The following GNAQ variants were observed in gnomAD, a reference collection of about 807,000 sequenced individuals.
GNAQ encodes the protein G protein subunit alpha q.
Under a neutral mutation model 43.9 loss-of-function variants are expected in GNAQ, and 8 were observed. That is an observed-to-expected ratio of 0.18 (90% CI 0.11 to 0.33). The LOEUF (loss-of-function observed/expected upper bound fraction) is 0.33. GNAQ is among the 10% of genes least tolerant of loss of function. The pLI is 1.00. For synonymous variants in GNAQ, 155 were observed against 170.7 expected (o/e 0.91, Z 0.71); for missense variants, 158 against 450.8 (o/e 0.35, Z 5.88).
intron 2 of GNAQ, among the ~76,000 whole-genome samples, chr9:77,914,598 G>A (rs1332287457): frequency 2.0e-5 from 3 of 152,022 alleles, no homozygotes; most frequent in Non-Finnish European, 4.4e-5. Flanking sequence ...GGAGGCGGAG[G>A]TTGCGGTGAG....
intron 2 of GNAQ, among the ~76,000 whole-genome samples, chr9:77,853,110 T>A (rs1827696555): frequency 6.6e-6 from 1 of 152,210 alleles, no homozygotes; most frequent in South Asian, 2.1e-4. Context: ...CCAACCAAAC[T>A]ATGATAACGG....
chr9:77,842,357 A>T (rs1254707671), intron 2 of GNAQ, among the ~76,000 whole-genome samples: 2 of 152,212 alleles, frequency 1.3e-5, no homozygotes, highest in African/African-American at 4.8e-5. Flanking sequence ...TCCTGACAGT[A>T]CCATGTGAGC....
At chr9:77,834,908 G>C (rs1386898015) in intron 2 of GNAQ, among the ~76,000 whole-genome samples, 1 of 152,154 alleles carries the variant, frequency 6.6e-6, no homozygotes, top group East Asian at 1.9e-4. Flanking sequence ...GAACTACATA[G>C]CCAAGGGCTG....
intron 2 of GNAQ, among the ~76,000 whole-genome samples, chr9:77,887,212 A>G (rs1222455360): frequency 6.6e-6 from 1 of 152,224 alleles, no homozygotes; most frequent in Non-Finnish European, 1.5e-5. Flanking sequence ...CATGTTTGGG[A>G]AACAGCTCTG....
At chr9:77,762,509 C>T (rs1423687611) in intron 5 of GNAQ, among the ~76,000 whole-genome samples, 7 of 143,278 alleles carry the variant, frequency 4.9e-5, no homozygotes, top group African/African-American at 7.9e-5. Flanking sequence ...AGCCGCCCCA[C>T]CTGGGAGGTG....
At chr9:77,779,536 G>A (rs1381028524) in intron 5 of GNAQ, among the ~76,000 whole-genome samples, 1 of 151,638 alleles carries the variant, frequency 6.6e-6, no homozygotes, top group Non-Finnish European at 1.5e-5. Context: ...GAAGTATGCA[G>A]AAGAAAATAA....
At chr9:77,730,466 GTCT>G (rs1320478602) in intron 5 of GNAQ, among the ~76,000 whole-genome samples, 5 of 152,114 alleles carry the variant, frequency 3.3e-5, no homozygotes, top group African/African-American at 1.2e-4. Flanking sequence ...TCCTGAATAT[GTCT>G]TCTTTTTTTC....
chr9:77,873,872 G>A (rs555820277), intron 2 of GNAQ, among the ~76,000 whole-genome samples: 34 of 152,218 alleles, frequency 2.2e-4, no homozygotes, highest in African/African-American at 6.5e-4. Flanking sequence ...TTGGGAGGCC[G>A]AGGCGGAGGA....
chr9:77,901,244 A>T (rs1001334297), intron 2 of GNAQ, among the ~76,000 whole-genome samples: 2 of 152,136 alleles, frequency 1.3e-5, no homozygotes, highest in Non-Finnish European at 2.9e-5. Context: ...TTCCTGCCCA[A>T]GGGCTCTTGG....
intron 1 of GNAQ, among the ~76,000 whole-genome samples, chr9:77,979,436 A>G (rs916243536): frequency 2.0e-5 from 3 of 152,112 alleles, no homozygotes; most frequent in East Asian, 1.9e-4. Flanking sequence ...GTCATGGCCA[A>G]TATTTGTGTC....
At chr9:77,874,927 A>G (rs893584924) in intron 2 of GNAQ, among the ~76,000 whole-genome samples, 2 of 151,830 alleles carry the variant, frequency 1.3e-5, no homozygotes, top group African/African-American at 2.4e-5. Flanking sequence ...GGCCTTACCT[A>G]AAGTTTAAAA....
intron 5 of GNAQ, among the ~76,000 whole-genome samples, chr9:77,761,976 G>A (rs1428942329): frequency 1.7e-4 from 23 of 135,024 alleles, no homozygotes; most frequent in African/African-American, 4.5e-4. Context: ...CCGGCCAGCC[G>A]CCCCGTCCGG....
chr9:78,030,741 C>A (rs922428391), intron 1 of GNAQ: 2 of 369,528 alleles, frequency 5.4e-6, no homozygotes, highest in South Asian at 2.1e-5. Flanking sequence ...CCTCTGCCCA[C>A]CTTTCCACCC....
chr9:77,945,082 A>T (rs552799574), intron 1 of GNAQ, among the ~76,000 whole-genome samples: 1 of 152,180 alleles, frequency 6.6e-6, no homozygotes. Context: ...GAAGTATTGT[A>T]AATTCCGAGA....
chr9:77,807,676 T>C (rs2118489895), intron 3 of GNAQ, among the ~76,000 whole-genome samples: 1 of 152,312 alleles, frequency 6.6e-6, no homozygotes, highest in Non-Finnish European at 1.5e-5. Context: ...CTCTAAAAGA[T>C]ATCTCTGGGT....
intron 5 of GNAQ, among the ~76,000 whole-genome samples, chr9:77,778,214 TACACACAC>T (rs34540195): frequency 9.3e-4 from 139 of 149,602 alleles, no homozygotes; most frequent in Non-Finnish European, 1.4e-3. Context: ...TTTACACGTT[TACACACAC>T]ACACACACAC....
At chr9:77,735,782 A>G (rs1825569600) in intron 5 of GNAQ, among the ~76,000 whole-genome samples, 1 of 152,186 alleles carries the variant, frequency 6.6e-6, no homozygotes, top group African/African-American at 2.4e-5. Context: ...TGACATGGCA[A>G]TGTGGCCCAG....
intron 1 of GNAQ, among the ~76,000 whole-genome samples, chr9:77,928,307 A>T (rs991592697): frequency 6.6e-6 from 1 of 152,224 alleles, no homozygotes; most frequent in Non-Finnish European, 1.5e-5. Context: ...AGAGTTGAAT[A>T]CAATTAACCA....
At chr9:77,775,395 T>C (rs1282510487) in intron 5 of GNAQ, among the ~76,000 whole-genome samples, 1 of 151,340 alleles carries the variant, frequency 6.6e-6, no homozygotes, top group African/African-American at 2.4e-5. Flanking sequence ...GAATGTTCAC[T>C]TCTCCTCATC....
Sources: allele counts gnomAD v4.1 joint callset (sites outside exome capture counted in the v4.1 genomes callset), GRCh38; gene constraint gnomAD v4.1.1; transcripts MANE v1.5; gene names NCBI Gene and HGNC (gene_info 2026-07-23, HGNC 2026-07-21).